Variants in LSS observed in about 807,000 individuals in gnomAD.
LSS encodes 2,3-epoxysqualene-lanosterol cyclase.
Under a neutral mutation model 110.3 loss-of-function variants are expected in LSS, and 90 were observed. That is an observed-to-expected ratio of 0.82 (90% confidence interval 0.69 to 0.97). LSS has a LOEUF of 0.97. Ranked by LOEUF, LSS falls within the 50% of genes least tolerant of loss-of-function variation. The pLI is 0.00. For missense variants in LSS, 927 were observed against 990.0 expected (o/e 0.94, Z 0.85); for synonymous variants, 433 against 400.0 (o/e 1.08, Z -0.98).
chr21:46,194,875 A>G (rs1271743622), intron 19 of LSS, among the ~76,000 whole-genome samples: 2 of 152,270 alleles, frequency 1.3e-5, no homozygotes, highest in African/African-American at 4.8e-5. Context: ...CGCTGGGAAG[A>G]CAAAGGGACA....
At chr21:46,192,368 G>C in intron 20 of LSS, 1 of 413,108 alleles carries the variant, frequency 2.4e-6, no homozygotes, top group Non-Finnish European at 4.8e-6. Context: ...TCAACTGTGG[G>C]TCCCTGACTG....
At chr21:46,220,137 A>G (rs1308401199) in intron 5 of LSS, 2 of 152,656 alleles carry the variant, frequency 1.3e-5, no homozygotes, top group East Asian at 3.9e-4. Flanking sequence ...CAGCCACACC[A>G]TCTAAACATG....
rs2079766915 is a variant in LSS at position 46,188,917 on chromosome 21, A to G, written c.*2187T>C. 2.6e-6 allele frequency: 1 copy of G among 387,508 alleles called. No homozygotes were observed. Among genetic ancestry groups the G allele is most frequent in the African/African-American group, 2.1e-5 (1 of 47,192 alleles). The allele number at this position is 387,508 out of a possible 1,614,324, so 24.0% of individuals were successfully genotyped here. Reference sequence around the variant, plus strand: ...CCTGGATATGCTTATGGCCTTTAAAACATATTAAAATAGGCTATGCTATTA... The same window carrying G: ...CCTGGATATGCTTATGGCCTTTAAAGCATATTAAAATAGGCTATGCTATTA... On this transcript the variant is annotated 3_prime_UTR_variant, in exon 22 of 22. Transcript: ENST00000397728.
chr21:46,206,636 CG>C, intron 16 of LSS, 35 bp downstream of exon 16: 3 of 1,567,220 alleles, frequency 1.9e-6, no homozygotes, highest in Non-Finnish European at 1.7e-6. Flanking sequence ...TAGCCAGCCC[CG>C]GGTTTGCGCG....
At chr21:46,206,031 T>G in intron 16 of LSS, 90 bp from the exon 17 acceptor site, 1 of 1,020,100 alleles carries the variant, frequency 9.8e-7, no homozygotes, top group Non-Finnish European at 1.5e-6. Context: ...AGCAAGAGTG[T>G]TGCAGTGAGC....
intron 3 of LSS, among the ~76,000 whole-genome samples, chr21:46,224,330 G>A (rs1286009433): frequency 6.6e-6 from 1 of 152,148 alleles, no homozygotes; most frequent in Non-Finnish European, 1.5e-5. Flanking sequence ...ATAAATAACA[G>A]CACAGCCAGA....
At position 46,189,452 on chromosome 21, in the gene LSS, T is replaced by C. The variant is rs1235466425; in HGVS notation, c.*1652A>G. 9 of 342,914 alleles carry C rather than the reference T, an allele frequency of 2.6e-5. No homozygotes were observed. The highest frequency in any genetic ancestry group is 4.0e-5 in the Non-Finnish European group (7 of 173,316). 21.2% of individuals were successfully genotyped at this position (342,914 alleles called of 1,614,324 possible). A position where few individuals can be genotyped will look rare whatever the true frequency, so the allele number is the denominator to read the frequency against. Reference sequence around the variant, plus strand: ...CAGTTTTAAGATGTGCAGGGAAGTGTTGACACTGAACAGGCAGCTGACCAA... The same window carrying C: ...CAGTTTTAAGATGTGCAGGGAAGTGCTGACACTGAACAGGCAGCTGACCAA... On this transcript the variant is annotated 3_prime_UTR_variant, in exon 22 of 22. Transcript: ENST00000397728.
At position 46,189,002 on chromosome 21, in the gene LSS, T is replaced by A; in HGVS notation, c.*2102A>T. ...GAGACGCACCCTGCTACTCCTCACGTCACTCTTGTTCCCTAAACCAGGCTG... is the reference window on the plus strand; with the variant it reads ...GAGACGCACCCTGCTACTCCTCACGACACTCTTGTTCCCTAAACCAGGCTG... On this transcript the variant is annotated 3_prime_UTR_variant, in exon 22 of 22. Transcript: ENST00000397728. 3.0e-6 allele frequency: 1 copy of A among 333,214 alleles called. No individual in the cohort carries two copies. The allele number at this position is 333,214 out of a possible 1,614,324, so 20.6% of individuals were successfully genotyped here.
At chr21:46,202,117 G>A (rs750136782) in intron 17 of LSS, among the ~76,000 whole-genome samples, 61 of 140,558 alleles carry the variant, frequency 4.3e-4, no homozygotes, top group Admixed American at 9.7e-4. Context: ...AATATAGGCC[G>A]GGCGCGGTGG....
chr21:46,215,898 A>G (rs2080201324), intron 7 of LSS, 105 bp from the exon 8 acceptor site: 3 of 720,406 alleles, frequency 4.2e-6, no homozygotes, highest in Middle Eastern at 6.3e-4. Context: ...GCCCTGGGCC[A>G]GTCCCTTCCT....
intron 2 of LSS, 58 bp downstream of exon 2, chr21:46,228,376 C>T (rs1045871937): frequency 5.7e-6 from 9 of 1,578,290 alleles, no homozygotes; most frequent in African/African-American, 1.4e-5. Flanking sequence ...AAAACGTGCT[C>T]CTCACGGCTC....
In LSS at chr21:46,191,213, T is replaced by C. The variant is rs778916142; in HGVS notation, c.2090A>G (p.Asn697Ser). Residue 697 changes from asparagine to serine, a missense_variant, in exon 22 of 22, where the codon AAC becomes AGC. By Grantham distance (46) the Asn-to-Ser change is conservative (BLOSUM62 1). Transcript: ENST00000397728. ...WPQENIAGVF[N>S]KSCAISYTSY... ...CGTGTAGGAGATGGCACAGGACTTG[T>C]TGAAGACCCCAGCAATGTTTTCCTA... The C allele has an allele frequency of 4.3e-6, 7 of 1,614,124 alleles. No homozygotes were observed. In the South Asian group the frequency reaches 4.4e-5, roughly 10 times the overall value.
At chr21:46,202,781 G>A (rs775182594) in intron 17 of LSS, among the ~76,000 whole-genome samples, 3 of 152,198 alleles carry the variant, frequency 2.0e-5, no homozygotes, top group South Asian at 2.1e-4. Flanking sequence ...GGAGGCTGAG[G>A]TGGGAGGATT....
chr21:46,208,333 G>A, intron 13 of LSS, 32 bp from the exon 14 acceptor site: 1 of 1,543,408 alleles, frequency 6.5e-7, no homozygotes, highest in Non-Finnish European at 8.8e-7. Context: ...TGTGGAAGCA[G>A]AGAACACGTC....
At chr21:46,215,398 T>G (rs1227883158) in intron 8 of LSS, 100 bp from the exon 9 acceptor site, 1 of 763,036 alleles carries the variant, frequency 1.3e-6, no homozygotes. Flanking sequence ...TCCCAGGGTT[T>G]CCCCCTCCCA....
intron 18 of LSS, 94 bp from the exon 19 acceptor site, chr21:46,195,850 G>A (rs1569018720): frequency 2.0e-6 from 2 of 993,394 alleles, no homozygotes; most frequent in Non-Finnish European, 3.1e-6. Flanking sequence ...ACGTGCCCCA[G>A]CCAGCCCACC....
At chr21:46,212,330 C>T (rs1300930122) in intron 11 of LSS, among the ~76,000 whole-genome samples, 1 of 152,222 alleles carries the variant, frequency 6.6e-6, no homozygotes, top group Non-Finnish European at 1.5e-5. Flanking sequence ...CATTTCCACA[C>T]TGAATCAGGT....
At chr21:46,222,079 A>G in intron 4 of LSS, 104 bp from the exon 5 acceptor site, 1 of 1,382,136 alleles carries the variant, frequency 7.2e-7, no homozygotes, top group Non-Finnish European at 1.0e-6. Flanking sequence ...GAATGCTAAA[A>G]TGCCTTAACC....
Position 46,208,316 on chromosome 21 carries a change from G to A in LSS, c.1267-15C>T, listed in dbSNP as rs954421370. On this transcript the variant is annotated splice_polypyrimidine_tract_variant and intron_variant, in intron 13 of 21. Coordinates refer to ENST00000397728, the MANE Select transcript of LSS (RefSeq NM_002340.6). ...TTATCTGGGACCTGGGCAGCATCGA[G>A]GGCAAATGTGGAAGCAGAGAACACG... 7 of 1,551,714 alleles carry A rather than the reference G, an allele frequency of 4.5e-6. No homozygotes were observed. In the African/African-American group the frequency reaches 6.8e-5, roughly 15 times the overall value.
Sources: allele counts gnomAD v4.1 joint callset (sites outside exome capture counted in the v4.1 genomes callset), GRCh38; gene constraint gnomAD v4.1.1; transcripts MANE v1.5; gene names NCBI Gene and HGNC (gene_info 2026-07-23, HGNC 2026-07-21).